FRMD4A: variants seen among roughly 807,000 people sequenced by gnomAD.
The protein encoded by FRMD4A is FERM domain containing 4A, also known as FERM domain-containing protein 4A.
A neutral mutation model predicts 129.1 loss-of-function variants in FRMD4A; 29 were observed. The ratio of observed to expected loss-of-function variants is 0.22; its 90% CI spans 0.17 to 0.31. FRMD4A has a LOEUF of 0.31. Ranked by LOEUF, FRMD4A falls within the 10% of genes least tolerant of loss-of-function variation. The pLI, the probability that FRMD4A is intolerant of heterozygous loss-of-function variation, is 1.00. For missense variants in FRMD4A, 1,272 were observed against 1,375.8 expected, an observed-to-expected ratio of 0.92 and a Z score of 1.19; for synonymous variants, 634 against 571.6, an observed-to-expected ratio of 1.11 and a Z score of -1.56.
rs191615818 is a variant in FRMD4A at position 13,781,939 on chromosome 10, T to C, written c.384+983A>G. Among the ~76,000 whole-genome samples, 27 of 152,272 alleles carry C rather than the reference T, an allele frequency of 1.8e-4. No homozygotes were observed. The East Asian group carries it at 5.2e-3, about 29-fold the overall frequency. ...ACATTGTGAGTGTACTGAATGCCGCTGAACTGCACACTTAAAAATGGCGGA... is the reference window on the plus strand; with the variant it reads ...ACATTGTGAGTGTACTGAATGCCGCCGAACTGCACACTTAAAAATGGCGGA... On this transcript the variant is annotated intron_variant, in intron 6 of 24. Coordinates refer to ENST00000357447, the MANE Select transcript of FRMD4A (RefSeq NM_018027.5).
At chr10:13,767,890 G>C (rs1413591842) in intron 6 of FRMD4A, among the ~76,000 whole-genome samples, 1 of 152,186 alleles carries the variant, frequency 6.6e-6, no homozygotes, top group Non-Finnish European at 1.5e-5. Context: ...GGTGGGCATG[G>C]AATAATTACT....
At chr10:14,019,360 A>G (rs1832625500) in intron 2 of FRMD4A, among the ~76,000 whole-genome samples, 1 of 152,280 alleles carries the variant, frequency 6.6e-6, no homozygotes, top group Admixed American at 6.5e-5. Flanking sequence ...TAAGGCAATT[A>G]TCAACTCCAG....
intron 2 of FRMD4A, among the ~76,000 whole-genome samples, chr10:14,137,561 T>C (rs757301638): frequency 3.3e-4 from 51 of 152,270 alleles, no homozygotes; most frequent in Non-Finnish European, 5.0e-4. Flanking sequence ...AGTGAAGTGA[T>C]TGAAGTTGAG....
At chr10:14,317,638 C>T (rs1055136027) in intron 2 of FRMD4A, among the ~76,000 whole-genome samples, 5 of 148,062 alleles carry the variant, frequency 3.4e-5, no homozygotes, top group Non-Finnish European at 7.4e-5. Context: ...CTCTTAAAAT[C>T]TTTTTACAAA....
At chr10:13,734,150 C>A (rs2090482567) in intron 12 of FRMD4A, among the ~76,000 whole-genome samples, 1 of 152,170 alleles carries the variant, frequency 6.6e-6, no homozygotes, top group Non-Finnish European at 1.5e-5. Context: ...CTCCTTCTCT[C>A]ATGGCCTCCC....
rs752374890 is a variant in FRMD4A, at chr10:13,693,788, G to A, written c.1117+110C>T. On this transcript the variant is annotated intron_variant, in intron 15 of 24. Transcript: ENST00000357447. ...GGTCTGGAAAGCAAAGCCAGCTTTG[G>A]AGCAGCTTGCCCTGCAGTCTCCCCA... 19 of 1,159,202 alleles carry A rather than the reference G, an allele frequency of 1.6e-5. 1 individual carries two copies. Among genetic ancestry groups the A allele is most frequent in the East Asian group, 2.5e-5 (1 of 40,356 alleles). The allele number at this position is 1,159,202 out of a possible 1,614,324, so 71.8% of individuals were successfully genotyped here.
intron 2 of FRMD4A, among the ~76,000 whole-genome samples, chr10:14,269,639 T>C (rs940607059): frequency 1.5e-4 from 23 of 152,158 alleles, no homozygotes; most frequent in Admixed American, 3.9e-4. Context: ...AGGGATGCAT[T>C]GCCATGATTA....
At chr10:13,817,162 C>T (rs575030500) in intron 3 of FRMD4A, among the ~76,000 whole-genome samples, 1 of 152,290 alleles carries the variant, frequency 6.6e-6, no homozygotes, top group South Asian at 2.1e-4. Context: ...TTTCCAACAC[C>T]AACTGGGCTT....
intron 2 of FRMD4A, among the ~76,000 whole-genome samples, chr10:14,012,903 A>C (rs377084849): frequency 1.3e-5 from 2 of 152,070 alleles, no homozygotes; most frequent in East Asian, 3.9e-4. Flanking sequence ...ACTCATTTTC[A>C]TTGCTTTATT....
intron 2 of FRMD4A, among the ~76,000 whole-genome samples, chr10:13,902,856 A>T (rs1441143705): frequency 1.1e-5 from 1 of 87,926 alleles, no homozygotes; most frequent in East Asian, 3.5e-4. Flanking sequence ...AAAAAAAAAA[A>T]ACAACAACAA....
intron 2 of FRMD4A, among the ~76,000 whole-genome samples, chr10:14,131,178 A>T (rs1192337296): frequency 6.6e-6 from 1 of 152,212 alleles, no homozygotes; most frequent in Non-Finnish European, 1.5e-5. Flanking sequence ...CTTTTGCTAG[A>T]GAAAAGGAAA....
intron 12 of FRMD4A, chr10:13,707,580 C>T: frequency 2.0e-6 from 2 of 989,486 alleles, no homozygotes; most frequent in Non-Finnish European, 2.4e-6. Flanking sequence ...GCTTCCTCCC[C>T]TCCAGTGCTG....
At chr10:13,675,426 C>A (rs961541598) in intron 15 of FRMD4A, among the ~76,000 whole-genome samples, 29 of 152,270 alleles carry the variant, frequency 1.9e-4, no homozygotes, top group Middle Eastern at 3.4e-3. Context: ...TTGTTTGAGA[C>A]AGTCTCACTC....
intron 2 of FRMD4A, among the ~76,000 whole-genome samples, chr10:14,064,424 A>T (rs977922177): frequency 4.6e-5 from 7 of 152,120 alleles, no homozygotes; most frequent in African/African-American, 1.7e-4. Context: ...TCCACTCCAC[A>T]TTGCCGTGGC....
rs2080951591 is a variant in FRMD4A, at chr10:13,643,789, A to G, written c.*3249T>C. 3.3e-5 allele frequency: 5 copies of G among 152,684 alleles called. No homozygotes were observed. Among genetic ancestry groups the G allele is most frequent in the Admixed American group, 1.3e-4 (2 of 15,290 alleles). 9.5% of individuals were successfully genotyped at this position (152,684 alleles called of 1,614,324 possible). The stretch of plus-strand genomic sequence containing the variant: ...AGGTACTATACAAATTCTTAATACA[A>G]AAAGAATAAATTAAAAGCAGATTTC... On this transcript the variant is annotated 3_prime_UTR_variant, in exon 25 of 25. Coordinates refer to ENST00000357447, the MANE Select transcript of FRMD4A (RefSeq NM_018027.5).
chr10:13,685,433 A>C (rs1022387832), intron 15 of FRMD4A: 2 of 985,130 alleles, frequency 2.0e-6, no homozygotes, highest in African/African-American at 3.5e-5. Flanking sequence ...TACCCAGCTG[A>C]AACTATGGTT....
At chr10:13,767,064 T>C (rs1053818086) in intron 6 of FRMD4A, among the ~76,000 whole-genome samples, 1 of 151,988 alleles carries the variant, frequency 6.6e-6, no homozygotes, top group African/African-American at 2.4e-5. Context: ...AGAGTGAGAC[T>C]CCATCTCAAA....
intron 2 of FRMD4A, among the ~76,000 whole-genome samples, chr10:14,150,994 G>A (rs990590764): frequency 6.6e-6 from 1 of 152,106 alleles, no homozygotes; most frequent in Non-Finnish European, 1.5e-5. Context: ...TTTGTCACAC[G>A]CCTAGGAATT....
chr10:14,090,873 C>T (rs1377517921), intron 2 of FRMD4A, among the ~76,000 whole-genome samples: 1 of 152,144 alleles, frequency 6.6e-6, no homozygotes, highest in Non-Finnish European at 1.5e-5. Flanking sequence ...GACAGGGTTT[C>T]ACTATGCTCA....
Sources: gnomAD v4.1 joint callset for allele counts (sites outside exome capture counted in the v4.1 genomes callset) on GRCh38, gnomAD v4.1.1 for gene constraint, MANE v1.5 for transcripts, NCBI Gene and HGNC (gene_info 2026-07-23, HGNC 2026-07-21) for gene names.